Variants in HS2ST1 observed in about 807,000 individuals in gnomAD.
HS2ST1 encodes 2-O-sulfotransferase.
HS2ST1 carries 18 observed loss-of-function variants against 42.9 expected under a neutral mutation model. The observed-to-expected ratio is 0.42, with a 90% CI of 0.29 to 0.62. The LOEUF is 0.62. Among genes scored for constraint, HS2ST1 ranks in the 20% least tolerant of loss-of-function variants. The pLI, the probability that HS2ST1 is intolerant of heterozygous loss-of-function variation, is 0.21. For missense variants in HS2ST1, 334 were observed against 433.8 expected (o/e 0.77, Z 2.04); for synonymous variants, 146 against 152.9 (o/e 0.95, Z 0.33).
intron 1 of HS2ST1, among the ~76,000 whole-genome samples, chr1:86,990,832 ATATATTTTTTTTT>A (rs1413343061): frequency 1.4e-3 from 25 of 17,784 alleles, no homozygotes; most frequent in Non-Finnish European, 2.9e-3. Context: ...ATATATATAT[ATATATTTTTTTTT>A]TTTTTTTTTT....
intron 1 of HS2ST1, among the ~76,000 whole-genome samples, chr1:87,071,794 T>C (rs1192956586): frequency 6.6e-6 from 1 of 150,762 alleles, no homozygotes; most frequent in Non-Finnish European, 1.5e-5. Flanking sequence ...TGGGAAGCAA[T>C]TGAGTTGAAA....
intron 2 of HS2ST1, among the ~76,000 whole-genome samples, chr1:87,081,905 C>T (rs1478244637): frequency 6.8e-6 from 1 of 146,458 alleles, no homozygotes; most frequent in Non-Finnish European, 1.5e-5. Context: ...ACCTGGAAGG[C>T]GGAGGTTGCA....
At chr1:86,961,591 A>G (rs1027620249) in intron 1 of HS2ST1, among the ~76,000 whole-genome samples, 2 of 152,124 alleles carry the variant, frequency 1.3e-5, no homozygotes, top group African/African-American at 4.8e-5. Context: ...CTTCAAATAC[A>G]TTCTTTTAAT....
intron 3 of HS2ST1, among the ~76,000 whole-genome samples, chr1:87,089,034 T>C (rs1018765144): frequency 2.0e-5 from 3 of 152,128 alleles, no homozygotes; most frequent in Admixed American, 1.3e-4. Flanking sequence ...AACATAATGA[T>C]TCCCAAAGGC....
intron 1 of HS2ST1, among the ~76,000 whole-genome samples, chr1:87,011,523 A>T (rs1449143768): frequency 6.6e-6 from 1 of 152,312 alleles, no homozygotes; most frequent in South Asian, 2.1e-4. Context: ...GATTACAGGC[A>T]TGAGCCACTG....
chr1:87,083,859 T>C (rs549589608), intron 2 of HS2ST1, among the ~76,000 whole-genome samples: 87 of 152,324 alleles, frequency 5.7e-4, no homozygotes, highest in Non-Finnish European at 9.4e-4. Context: ...TGCTTTAGCA[T>C]GTGTGTTGGC....
At position 87,070,123 on chromosome 1, in the gene HS2ST1, A is replaced by G. The variant is rs553457156; in HGVS notation, c.125-2811A>G. Among the ~76,000 whole-genome samples the G allele has an allele frequency of 1.2e-3, 181 of 152,186 alleles. 1 individual carries two copies. The highest frequency in any genetic ancestry group is 4.1e-3 in the African/African-American group (170 of 41,516). ...TGAGTGGGTGAATCTTTTAAAGGCA[A>G]TTTCACATATGTCTGTGTTGCTAGA... is the stretch of plus-strand genomic sequence containing the variant. On this transcript the variant is annotated intron_variant, in intron 1 of 6. Transcript: ENST00000370550.
At chr1:87,007,267 T>C (rs1649468579) in intron 1 of HS2ST1, among the ~76,000 whole-genome samples, 1 of 152,108 alleles carries the variant, frequency 6.6e-6, no homozygotes, top group African/African-American at 2.4e-5. Flanking sequence ...CACACACACA[T>C]ATTCATATAA....
chr1:87,031,716 G>A (rs895846996), intron 1 of HS2ST1, among the ~76,000 whole-genome samples: 3 of 152,094 alleles, frequency 2.0e-5, no homozygotes, highest in East Asian at 1.9e-4. Flanking sequence ...TAAATTCTGC[G>A]ACTGAATATA....
chr1:87,003,699 G>T (rs1649353783), intron 1 of HS2ST1, among the ~76,000 whole-genome samples: 1 of 106,334 alleles, frequency 9.4e-6, no homozygotes, highest in South Asian at 4.0e-4. Context: ...CTGTACTGAA[G>T]ATGTACAGAC....
rs543064934 is a variant in HS2ST1, at chr1:86,942,041, C to T, written c.124+26881C>T. 2.6e-5 allele frequency among the ~76,000 whole-genome samples: 4 copies of T among 152,240 alleles called. No individual in the cohort carries two copies. In the East Asian group the frequency reaches 7.7e-4, roughly 29 times the overall value. The stretch of plus-strand genomic sequence containing the variant: ...GTTCTGCATCTGGATTGTTTTCATC[C>T]TTCTGTGTTTGACTATTCAGAGCTA... On this transcript the variant is annotated intron_variant, in intron 1 of 6. Transcript: ENST00000370550.
At chr1:86,988,741 A>G (rs2100557750) in intron 1 of HS2ST1, among the ~76,000 whole-genome samples, 1 of 152,370 alleles carries the variant, frequency 6.6e-6, no homozygotes. Context: ...GAATGGCGTT[A>G]CATCAATCTA....
At chr1:86,924,919 T>C (rs949947361) in intron 1 of HS2ST1, among the ~76,000 whole-genome samples, 4 of 152,204 alleles carry the variant, frequency 2.6e-5, no homozygotes, top group East Asian at 1.9e-4. Context: ...CTTGGATTTC[T>C]CCTGAGAAAA....
At chr1:87,051,869 A>T in intron 1 of HS2ST1, among the ~76,000 whole-genome samples, 1 of 152,230 alleles carries the variant, frequency 6.6e-6, no homozygotes, top group East Asian at 1.9e-4. Context: ...GAATATTAAT[A>T]CCTGTGACTA....
chr1:87,021,394 TAAAG>T (rs1177858043), intron 1 of HS2ST1, among the ~76,000 whole-genome samples: 4 of 152,212 alleles, frequency 2.6e-5, no homozygotes, highest in Non-Finnish European at 5.9e-5. Context: ...CTTGAGATAA[TAAAG>T]AAGTATAGCC....
intron 2 of HS2ST1, among the ~76,000 whole-genome samples, chr1:87,079,830 C>G (rs1422418632): frequency 1.4e-5 from 2 of 143,284 alleles, no homozygotes; most frequent in Non-Finnish European, 3.0e-5. Context: ...CACTTGAGCC[C>G]AGGAGTTTAA....
At chr1:87,000,795 A>G (rs147732369) in intron 1 of HS2ST1, among the ~76,000 whole-genome samples, 45 of 152,312 alleles carry the variant, frequency 3.0e-4, no homozygotes, top group African/African-American at 1.0e-3. Context: ...AACATACACA[A>G]TTTTGCACTT....
chr1:87,064,595 A>T (rs1025090660), intron 1 of HS2ST1: 2 of 499,162 alleles, frequency 4.0e-6, no homozygotes. Flanking sequence ...GAATCTCTCT[A>T]CCTTGCATAT....
At chr1:86,992,830 G>A (rs923704031) in intron 1 of HS2ST1, among the ~76,000 whole-genome samples, 1 of 152,218 alleles carries the variant, frequency 6.6e-6, no homozygotes, top group Non-Finnish European at 1.5e-5. Flanking sequence ...ATAAGGAAAT[G>A]AAGACCTGAA....
Sources: gnomAD v4.1 joint callset for allele counts (sites outside exome capture counted in the v4.1 genomes callset) on GRCh38, gnomAD v4.1.1 for gene constraint, MANE v1.5 for transcripts, NCBI Gene and HGNC (gene_info 2026-07-23, HGNC 2026-07-21) for gene names.